HRH2: variants seen among roughly 807,000 people sequenced by gnomAD.
HRH2 encodes histamine H2 receptor.
Under a neutral mutation model 20.1 loss-of-function variants are expected in HRH2, and 4 were observed. The ratio of observed to expected loss-of-function variants is 0.20; its 90% CI spans 0.10 to 0.45. The LOEUF (loss-of-function observed/expected upper bound fraction) is 0.45, where lower values mean the gene tolerates loss of function less well. HRH2 is among the 20% of genes least tolerant of loss of function. HRH2 has a pLI of 0.99. For synonymous variants in HRH2, 197 were observed against 200.7 expected (o/e 0.98, Z 0.16); for missense variants, 250 against 461.6 (o/e 0.54, Z 4.20).
intron 1 of HRH2, among the ~76,000 whole-genome samples, chr5:175,660,678 T>C (rs1427783951): frequency 6.6e-6 from 1 of 152,098 alleles, no homozygotes; most frequent in Non-Finnish European, 1.5e-5. Flanking sequence ...GGAGGGTGCC[T>C]GATTGAAAAA....
At chr5:175,685,265 G>C (rs867676212) in intron 2 of HRH2, 13 of 647,924 alleles carry the variant, frequency 2.0e-5, no homozygotes, top group African/African-American at 1.3e-4. Context: ...AGACCTGAGT[G>C]GCACCGAGGA....
intron 1 of HRH2, among the ~76,000 whole-genome samples, chr5:175,676,389 G>T (rs1286030297): frequency 1.3e-5 from 2 of 152,210 alleles, no homozygotes; most frequent in African/African-American, 4.8e-5. Context: ...CAGTGTCCCA[G>T]TTCCCACACC....
intron 2 of HRH2, among the ~76,000 whole-genome samples, chr5:175,695,053 C>G (rs11957310): frequency 6.6e-6 from 1 of 152,018 alleles, no homozygotes; most frequent in Non-Finnish European, 1.5e-5. Context: ...GGGCCCGTGC[C>G]GATGACACAG....
At position 175,677,042 on chromosome 5, in the gene HRH2, T is replaced by C. The variant is rs888293770; in HGVS notation, c.-525-5667T>C. 1.3e-5 allele frequency among the ~76,000 whole-genome samples: 2 copies of C among 152,220 alleles called. No individual in the cohort carries two copies. Among genetic ancestry groups the C allele is most frequent in the Non-Finnish European group, 2.9e-5 (2 of 68,036 alleles). On this transcript the variant is annotated intron_variant, in intron 1 of 2. Coordinates refer to ENST00000636584, the MANE Select transcript of HRH2 (RefSeq NM_001367711.1). The surrounding 1 kb of genome is among the most constrained non-coding windows in gnomAD (Gnocchi z 4.2). ...CAGGTTCTCACTCAGTTGCCCAGGCTGGAGTGCAGTGGCATGATCTCAGTT... is the reference window on the plus strand; with the variant it reads ...CAGGTTCTCACTCAGTTGCCCAGGCCGGAGTGCAGTGGCATGATCTCAGTT...
chr5:175,704,253 A>T (rs962244651), intron 2 of HRH2, among the ~76,000 whole-genome samples: 1 of 152,172 alleles, frequency 6.6e-6, no homozygotes, highest in Non-Finnish European at 1.5e-5. Context: ...AAACATAATC[A>T]TGCAATATTT....
chr5:175,684,436 T>C (rs189793390), intron 2 of HRH2, 127 bp downstream of exon 2: 75 of 1,331,218 alleles, frequency 5.6e-5, no homozygotes, highest in African/African-American at 5.0e-4. Context: ...CATGAGCACT[T>C]TGTAAACACC....
intron 2 of HRH2, among the ~76,000 whole-genome samples, chr5:175,701,822 A>G (rs998972813): frequency 9.9e-5 from 15 of 152,238 alleles, no homozygotes; most frequent in African/African-American, 3.4e-4. Flanking sequence ...GGTGTTTCTC[A>G]CAAACACTTA....
intron 2 of HRH2, among the ~76,000 whole-genome samples, chr5:175,694,192 C>T (rs921049697): frequency 6.6e-6 from 1 of 152,126 alleles, no homozygotes; most frequent in Non-Finnish European, 1.5e-5. Flanking sequence ...TATTCTGCTC[C>T]GGGACCTCAT....
rs139586794 is a variant in HRH2 at position 175,659,907 on chromosome 5, A to G, written c.-526+1752A>G. On this transcript the variant is annotated intron_variant, in intron 1 of 2. Transcript: ENST00000636584. ...GGAAGGAAGGTCACTACTCAGTACT[A>G]CATAGGAAGCCGATATCAGACTGAC... Among the ~76,000 whole-genome samples, 759 of 152,262 alleles carry G rather than the reference A, an allele frequency of 5.0e-3. 5 individuals are homozygous for G. The highest frequency in any genetic ancestry group is 0.018 in the African/African-American group (728 of 41,544).
chr5:175,688,850 C>G (rs966397788), intron 2 of HRH2, among the ~76,000 whole-genome samples: 2 of 152,140 alleles, frequency 1.3e-5, no homozygotes, highest in Non-Finnish European at 2.9e-5. Context: ...GGACCCCTGC[C>G]GAGGTCTCTT....
chr5:175,667,567 A>G (rs1415064968), intron 1 of HRH2, among the ~76,000 whole-genome samples: 2 of 151,886 alleles, frequency 1.3e-5, no homozygotes, highest in Non-Finnish European at 2.9e-5. Context: ...CCAGGCATAC[A>G]TTTGGTTTTG....
chr5:175,694,118 C>T (rs1423104756), intron 2 of HRH2, among the ~76,000 whole-genome samples: 1 of 152,180 alleles, frequency 6.6e-6, no homozygotes, highest in Non-Finnish European at 1.5e-5. Context: ...AGTGAGTGCC[C>T]TTGCCCCAGG....
chr5:175,663,758 C>T (rs956023728), intron 1 of HRH2, among the ~76,000 whole-genome samples: 1 of 152,208 alleles, frequency 6.6e-6, no homozygotes, highest in Non-Finnish European at 1.5e-5. Context: ...ACTTCTCCAG[C>T]CCCCCTCTAG....
Position 175,681,148 on chromosome 5 carries a change from A to G in HRH2, c.-525-1561A>G, listed in dbSNP as rs905157508. 1.3e-5 allele frequency among the ~76,000 whole-genome samples: 2 copies of G among 152,106 alleles called. No homozygotes were observed. The highest frequency in any genetic ancestry group is 2.9e-5 in the Non-Finnish European group (2 of 68,012). ...AATACCCTTATTGCTACCCCCTCCA[A>G]AGTTAATTAAGTGTGGCGGTGAGAC... On this transcript the variant is annotated intron_variant, in intron 1 of 2. Transcript: ENST00000636584. This position sits in a 1 kb window ranked among gnomAD's most constrained non-coding sequence, Gnocchi z 4.3.
At chr5:175,697,108 G>A (rs1411490232) in intron 2 of HRH2, among the ~76,000 whole-genome samples, 2 of 152,178 alleles carry the variant, frequency 1.3e-5, no homozygotes, top group East Asian at 3.9e-4. Flanking sequence ...CCCAGGCTGA[G>A]CACACACTAC....
At position 175,686,976 on chromosome 5, in the gene HRH2, G is replaced by A. The variant is rs1362694192; in HGVS notation, c.1076+2667G>A. 6.6e-6 allele frequency among the ~76,000 whole-genome samples: 1 copy of A among 152,218 alleles called. No homozygotes were observed. The highest frequency in any genetic ancestry group is 1.5e-5 in the Non-Finnish European group (1 of 68,022). On this transcript the variant is annotated intron_variant, in intron 2 of 2. Coordinates refer to ENST00000636584, the MANE Select transcript of HRH2 (RefSeq NM_001367711.1). The surrounding 1 kb of genome is among the most constrained non-coding windows in gnomAD (Gnocchi z 4.7). ...TGATCCTCGTGGGCACCCTGGGTGG[G>A]AGGCTGTGAAGAAACCAGGGCCAGC...
At chr5:175,667,027 T>C (rs113184230) in intron 1 of HRH2, among the ~76,000 whole-genome samples, 6,615 of 152,244 alleles carry the variant, frequency 0.043, 189 homozygotes, top group Non-Finnish European at 0.067. Flanking sequence ...CATATATATA[T>C]ATATGTAATG....
chr5:175,700,347 A>T (rs188493240), intron 2 of HRH2, among the ~76,000 whole-genome samples: 2 of 152,340 alleles, frequency 1.3e-5, no homozygotes, highest in Admixed American at 6.5e-5. Context: ...GTTAGAAGAC[A>T]GGAGAATCAC....
At chr5:175,691,641 G>C (rs1337656741) in intron 2 of HRH2, among the ~76,000 whole-genome samples, 1 of 151,770 alleles carries the variant, frequency 6.6e-6, no homozygotes, top group African/African-American at 2.4e-5. Flanking sequence ...CCGGCGCTTT[G>C]GGAGGCTGAA....
Sources: allele counts gnomAD v4.1 joint callset (sites outside exome capture counted in the v4.1 genomes callset), GRCh38; gene constraint gnomAD v4.1.1; non-coding constraint Gnocchi (gnomAD v3.1); transcripts MANE v1.5; gene names NCBI Gene and HGNC (gene_info 2026-07-23, HGNC 2026-07-21).